The following SUCLG2 variants were observed in gnomAD, a reference collection of about 807,000 sequenced individuals.
SUCLG2 encodes the protein succinate-CoA ligase GDP-forming subunit beta, also known as succinate--CoA ligase [GDP-forming] subunit beta, mitochondrial.
SUCLG2 carries 42 observed loss-of-function variants against 47.9 expected under a neutral mutation model. The ratio of observed to expected loss-of-function variants is 0.88; its 90% confidence interval spans 0.69 to 1.14. The LOEUF (loss-of-function observed/expected upper bound fraction) is 1.14, where lower values mean the gene tolerates loss of function less well. SUCLG2 is among the 50% of genes most tolerant of loss of function. SUCLG2 has a pLI of 0.00. For synonymous variants in SUCLG2, 195 were observed against 197.3 expected, an observed-to-expected ratio of 0.99 and a Z score of 0.10; for missense variants, 571 against 525.9, an observed-to-expected ratio of 1.09 and a Z score of -0.84.
chr3:67,427,651 G>A (rs760907348), intron 9 of SUCLG2, among the ~76,000 whole-genome samples: 12 of 152,148 alleles, frequency 7.9e-5, no homozygotes, highest in Non-Finnish European at 1.3e-4. Context: ...AGCACGAGCC[G>A]AAGCAGGGCA....
intron 9 of SUCLG2, among the ~76,000 whole-genome samples, chr3:67,488,114 TA>T (rs1250269831): frequency 6.6e-6 from 1 of 151,790 alleles, no homozygotes; most frequent in Non-Finnish European, 1.5e-5. Context: ...TGTGTGTATA[TA>T]TATATATTTT....
At chr3:67,387,160 C>T (rs1045403868) in intron 10 of SUCLG2, among the ~76,000 whole-genome samples, 2 of 152,246 alleles carry the variant, frequency 1.3e-5, no homozygotes, top group East Asian at 1.9e-4. Context: ...TTAAAACATA[C>T]TGATGAATTA....
At chr3:67,432,943 G>C (rs563433071) in intron 9 of SUCLG2, among the ~76,000 whole-genome samples, 3 of 152,310 alleles carry the variant, frequency 2.0e-5, no homozygotes, top group Admixed American at 6.5e-5. Flanking sequence ...TTATTGGATT[G>C]AATTAAATTG....
chr3:67,580,626 G>C (rs1160796507), intron 2 of SUCLG2, among the ~76,000 whole-genome samples: 2 of 152,184 alleles, frequency 1.3e-5, no homozygotes, highest in Non-Finnish European at 2.9e-5. Context: ...GCAAACGGCA[G>C]AGATTGTCCC....
chr3:67,501,426 T>C (rs1368533350), intron 7 of SUCLG2, among the ~76,000 whole-genome samples: 1 of 152,224 alleles, frequency 6.6e-6, no homozygotes, highest in African/African-American at 2.4e-5. Flanking sequence ...TCTTCATCCC[T>C]AATTCCTAGC....
intron 2 of SUCLG2, among the ~76,000 whole-genome samples, chr3:67,608,337 C>A (rs1185518837): frequency 5.9e-5 from 9 of 152,196 alleles, no homozygotes; most frequent in African/African-American, 1.4e-4. Context: ...TGACTAAAAT[C>A]TCTGAAAAAT....
intron 10 of SUCLG2, among the ~76,000 whole-genome samples, chr3:67,389,085 C>T (rs1207343151): frequency 6.6e-6 from 1 of 151,978 alleles, no homozygotes; most frequent in African/African-American, 2.4e-5. Flanking sequence ...AGTGGGAAAA[C>T]TGAGTAGGTA....
chr3:67,432,202 C>A (rs915681187), intron 9 of SUCLG2, among the ~76,000 whole-genome samples: 3 of 152,280 alleles, frequency 2.0e-5, no homozygotes, highest in Middle Eastern at 3.4e-3. Flanking sequence ...TACTTTTAAA[C>A]CCAGCAACAG....
rs577937028 is a variant in SUCLG2 at position 67,544,420 on chromosome 3, A to G, written c.227-15234T>C. Reference sequence around the variant, plus strand: ...AGTTCTTACAAGATATGATGGTTTAAAAGTGGCACTCCCCACTTCACTCTC... The same window carrying G: ...AGTTCTTACAAGATATGATGGTTTAGAAGTGGCACTCCCCACTTCACTCTC... On this transcript the variant is annotated intron_variant, in intron 2 of 10. Coordinates refer to ENST00000307227, the MANE Select transcript of SUCLG2 (RefSeq NM_003848.4). Among the ~76,000 whole-genome samples, 17 of 152,200 alleles carry G rather than the reference A, an allele frequency of 1.1e-4. No individual in the cohort carries two copies. The East Asian group carries it at 3.3e-3, about 29-fold the overall frequency.
At chr3:67,506,713 G>A (rs2107092234) in intron 7 of SUCLG2, among the ~76,000 whole-genome samples, 1 of 152,248 alleles carries the variant, frequency 6.6e-6, no homozygotes, top group Middle Eastern at 3.4e-3. Context: ...AAGCAACCAG[G>A]CTGCTTGTGT....
At chr3:67,584,938 A>T (rs1707977756) in intron 2 of SUCLG2, among the ~76,000 whole-genome samples, 1 of 152,180 alleles carries the variant, frequency 6.6e-6, no homozygotes, top group Admixed American at 6.5e-5. Context: ...CCCAAGACAC[A>T]TGAGGATTAT....
At chr3:67,576,097 AT>A (rs1166422257) in intron 2 of SUCLG2, among the ~76,000 whole-genome samples, 1 of 152,198 alleles carries the variant, frequency 6.6e-6, no homozygotes, top group South Asian at 2.1e-4. Flanking sequence ...ATTGGAAAAG[AT>A]GGGTCTCCTT....
chr3:67,373,373 T>C (rs896665872), downstream of SUCLG2, among the ~76,000 whole-genome samples: 1 of 152,138 alleles, frequency 6.6e-6, no homozygotes, highest in Non-Finnish European at 1.5e-5. Flanking sequence ...AAATCATTTA[T>C]GTGATTATTT....
rs1702018505 is a variant in SUCLG2 at position 67,375,597 on chromosome 3, A to G, written c.*147T>C. On this transcript the variant is annotated 3_prime_UTR_variant, in exon 11 of 11. Transcript: ENST00000307227. ...AGGCTGTCTAGATATCTTATTCCAG[A>G]AAACACAGATTTAAGATTTTTCAGT... The G allele has an allele frequency of 2.4e-5, 34 of 1,429,336 alleles. 1 individual carries two copies. In the South Asian group the frequency reaches 4.9e-4, roughly 20 times the overall value. 88.5% of individuals were successfully genotyped at this position (1,429,336 alleles called of 1,614,324 possible).
At chr3:67,654,059 G>A (rs1439834093) in intron 1 of SUCLG2, among the ~76,000 whole-genome samples, 1 of 152,202 alleles carries the variant, frequency 6.6e-6, no homozygotes, top group Non-Finnish European at 1.5e-5. Flanking sequence ...TTCCTAGTTG[G>A]GCTGAAACGG....
intron 7 of SUCLG2, among the ~76,000 whole-genome samples, chr3:67,508,268 G>A (rs999042130): frequency 1.3e-5 from 2 of 152,088 alleles, no homozygotes; most frequent in African/African-American, 4.8e-5. Context: ...AACTAAAGAC[G>A]TTCGAAAAGT....
At chr3:67,366,164 A>G (rs1208210878) in intron 10 of SUCLG2, among the ~76,000 whole-genome samples, 1 of 152,218 alleles carries the variant, frequency 6.6e-6, no homozygotes, top group Admixed American at 6.5e-5. Context: ...TGGAAACACT[A>G]GAAAAGTGGA....
intron 9 of SUCLG2, among the ~76,000 whole-genome samples, chr3:67,429,776 C>CA (rs537139395): frequency 2.3e-4 from 35 of 150,878 alleles, no homozygotes; most frequent in Admixed American, 1.9e-3. Context: ...AAATGGAAAA[C>CA]AAAAAAAAGA....
chr3:67,464,811 G>A (rs1704429934), intron 9 of SUCLG2, among the ~76,000 whole-genome samples: 2 of 152,108 alleles, frequency 1.3e-5, no homozygotes, highest in Non-Finnish European at 1.5e-5. Flanking sequence ...ATATATAGAA[G>A]TAGAAATGAG....
Sources: allele counts gnomAD v4.1 joint callset (sites outside exome capture counted in the v4.1 genomes callset), GRCh38; gene constraint gnomAD v4.1.1; transcripts MANE v1.5; gene names NCBI Gene and HGNC (gene_info 2026-07-23, HGNC 2026-07-21).